KPNA5: variants seen among roughly 807,000 people sequenced by gnomAD.
KPNA5 encodes importin subunit alpha-6.
In KPNA5, 46 loss-of-function variants were observed where a neutral mutation model predicts 71.3. The ratio of observed to expected loss-of-function variants is 0.65; its 90% CI spans 0.51 to 0.83. The LOEUF is 0.83. Among genes scored for constraint, KPNA5 ranks in the 40% least tolerant of loss-of-function variants. The probability of loss-of-function intolerance (pLI) is 0.00; values close to 1 mark genes in which losing one functional copy is unlikely to be tolerated. For missense variants in KPNA5, 547 were observed against 628.3 expected (o/e 0.87, Z 1.38); for synonymous variants, 207 against 201.4 (o/e 1.03, Z -0.24).
intron 10 of KPNA5, among the ~76,000 whole-genome samples, chr6:116,725,474 T>C (rs1293115887): frequency 1.3e-5 from 2 of 152,200 alleles, no homozygotes; most frequent in African/African-American, 2.4e-5. Context: ...TTTTCAGTTT[T>C]ATCAGTTGAA....
chr6:116,681,580 T>G (rs1241993389), intron 1 of KPNA5: 64 of 1,229,476 alleles, frequency 5.2e-5, no homozygotes, highest in Non-Finnish European at 6.3e-5. Context: ...CAGCAGGTCC[T>G]CTGGAGTGAT....
At chr6:116,709,670 TATCTC>T (rs755262429) in intron 7 of KPNA5, among the ~76,000 whole-genome samples, 2 of 152,210 alleles carry the variant, frequency 1.3e-5, no homozygotes, top group African/African-American at 2.4e-5. Flanking sequence ...TCTTCTTTCT[TATCTC>T]AGAGTAAAAA....
intron 1 of KPNA5, among the ~76,000 whole-genome samples, chr6:116,686,763 T>A (rs1455846413): frequency 1.3e-5 from 2 of 152,200 alleles, no homozygotes; most frequent in Non-Finnish European, 2.9e-5. Flanking sequence ...GCTAGCCTGT[T>A]ATCCCAGCAC....
At chr6:116,714,988 A>G (rs1264463867) in intron 7 of KPNA5, among the ~76,000 whole-genome samples, 1 of 152,172 alleles carries the variant, frequency 6.6e-6, no homozygotes, top group Non-Finnish European at 1.5e-5. Flanking sequence ...AAAATGCCGC[A>G]AAGCTTTCCT....
intron 7 of KPNA5, among the ~76,000 whole-genome samples, chr6:116,713,907 A>G (rs1251819964): frequency 2.0e-5 from 3 of 152,108 alleles, no homozygotes; most frequent in Non-Finnish European, 2.9e-5. Flanking sequence ...TTCCATAGTG[A>G]TGATTCTCTA....
At position 116,741,569 on chromosome 6, in the gene KPNA5, TATC is replaced by T. The variant is rs1779872992; in HGVS notation, c.*9249_*9251del. On this transcript the variant is annotated 3_prime_UTR_variant, in exon 14 of 14. Transcript: ENST00000368564. The stretch of plus-strand genomic sequence containing the variant: ...AGCCATATTATGCCAAGAGGAAAAA[TATC>T]ATGATCATATTGAAAGATCAAGCAT... The T allele has an allele frequency of 6.5e-6, 1 of 152,782 alleles. No homozygotes were observed. The highest frequency in any genetic ancestry group is 2.4e-5 in the African/African-American group (1 of 41,428). 9.5% of individuals were successfully genotyped at this position (152,782 alleles called of 1,614,324 possible).
chr6:116,694,662 A>G (rs1337562938), intron 4 of KPNA5, among the ~76,000 whole-genome samples: 3 of 152,210 alleles, frequency 2.0e-5, no homozygotes, highest in African/African-American at 4.8e-5. Context: ...TTTTCTAGAT[A>G]TACAATCAGA....
chr6:116,710,788 A>C (rs1033144561), intron 7 of KPNA5, among the ~76,000 whole-genome samples: 1 of 148,304 alleles, frequency 6.7e-6, no homozygotes, highest in Non-Finnish European at 1.5e-5. Context: ...TTGGCTTTTG[A>C]TGATAATATT....
chr6:116,702,868 T>C (rs551380265), intron 6 of KPNA5, among the ~76,000 whole-genome samples: 8 of 152,238 alleles, frequency 5.3e-5, no homozygotes, highest in Non-Finnish European at 1.2e-4. Flanking sequence ...AAAGTTTTGT[T>C]GTAAGAGGTA....
rs911741038 is a variant in KPNA5, at chr6:116,740,323, T to A, written c.*8000T>A. 2.0e-4 allele frequency: 31 copies of A among 152,016 alleles called. No individual in the cohort carries two copies. Among genetic ancestry groups the A allele is most frequent in the African/African-American group, 7.0e-4 (29 of 41,398 alleles). The allele number at this position is 152,016 out of a possible 1,614,324, so 9.4% of individuals were successfully genotyped here. ...CATCTCACACCAGTCAGAATGGCAATCATTAAAAAGTCAGGAAACAACAGG... is the reference window on the plus strand; with the variant it reads ...CATCTCACACCAGTCAGAATGGCAAACATTAAAAAGTCAGGAAACAACAGG... On this transcript the variant is annotated 3_prime_UTR_variant, in exon 14 of 14. Coordinates refer to ENST00000368564, the MANE Select transcript of KPNA5 (RefSeq NM_001366306.2).
chr6:116,707,032 C>T lies in KPNA5; in HGVS notation c.656+1872C>T, dbSNP rs556421609. On this transcript the variant is annotated intron_variant, in intron 7 of 13. Coordinates refer to ENST00000368564, the MANE Select transcript of KPNA5 (RefSeq NM_001366306.2). ...ACAAAAAATTAGCCAGGCGTGGTGGCAGGCGCCTGTAGTCCCAGCTACTCG... is the reference window on the plus strand; with the variant it reads ...ACAAAAAATTAGCCAGGCGTGGTGGTAGGCGCCTGTAGTCCCAGCTACTCG... 6.0e-5 allele frequency among the ~76,000 whole-genome samples: 9 copies of T among 151,258 alleles called. No individual in the cohort carries two copies. In the South Asian group the frequency reaches 1.9e-3, roughly 32 times the overall value.
intron 7 of KPNA5, 136 bp downstream of exon 7, chr6:116,705,296 T>C (rs1778398400): frequency 1.7e-6 from 1 of 596,922 alleles, no homozygotes; most frequent in Non-Finnish European, 2.8e-6. Context: ...TGACAGCAGG[T>C]AGAACCAAGA....
chr6:116,723,972 G>A (rs952993569), intron 9 of KPNA5, among the ~76,000 whole-genome samples: 1 of 152,166 alleles, frequency 6.6e-6, no homozygotes, highest in East Asian at 1.9e-4. Context: ...TAGCACTTAC[G>A]ATATCCCCCA....
chr6:116,712,714 A>G (rs1204649274), intron 7 of KPNA5, among the ~76,000 whole-genome samples: 6 of 152,122 alleles, frequency 3.9e-5, no homozygotes, highest in Non-Finnish European at 5.9e-5. Context: ...ATTCTCCTGC[A>G]TTGGCCTCCC....
chr6:116,720,496 C>T (rs1042980327), intron 8 of KPNA5, among the ~76,000 whole-genome samples: 3 of 151,968 alleles, frequency 2.0e-5, no homozygotes, highest in African/African-American at 7.3e-5. Flanking sequence ...TTTTTTAACT[C>T]AGCGAAAAGG....
intron 7 of KPNA5, among the ~76,000 whole-genome samples, chr6:116,710,889 A>ATTT (rs1778640144): frequency 1.5e-5 from 1 of 68,824 alleles, no homozygotes; most frequent in Admixed American, 1.5e-4. Context: ...ATATATATAT[A>ATTT]TATATTTTTT....
At position 116,695,455 on chromosome 6, in the gene KPNA5, G is replaced by A. The variant is rs80324260; in HGVS notation, c.340+3063G>A. Among the ~76,000 whole-genome samples the A allele has an allele frequency of 6.2e-3, 945 of 152,044 alleles. 5 individuals are homozygous for A. The highest frequency in any genetic ancestry group is 0.022 in the African/African-American group (906 of 41,458). On this transcript the variant is annotated intron_variant, in intron 4 of 13. Transcript: ENST00000368564. ...TTCATATATGGAATTTATTGAACTCGTAATTCTAATTTTATGGGATTGTAT... is the reference window on the plus strand; with the variant it reads ...TTCATATATGGAATTTATTGAACTCATAATTCTAATTTTATGGGATTGTAT...
At chr6:116,700,398 C>T (rs764728369) in intron 5 of KPNA5, among the ~76,000 whole-genome samples, 2 of 152,032 alleles carry the variant, frequency 1.3e-5, no homozygotes, top group African/African-American at 4.8e-5. Flanking sequence ...TGAGCCCAGA[C>T]GTTTGAAGTT....
intron 1 of KPNA5, among the ~76,000 whole-genome samples, chr6:116,684,814 C>T (rs994096938): frequency 3.9e-5 from 6 of 152,138 alleles, no homozygotes; most frequent in Non-Finnish European, 7.4e-5. Context: ...ATGTTTAAAA[C>T]CAGAGTCACT....
Sources: allele counts gnomAD v4.1 joint callset (sites outside exome capture counted in the v4.1 genomes callset), GRCh38; gene constraint gnomAD v4.1.1; transcripts MANE v1.5; gene names NCBI Gene and HGNC (gene_info 2026-07-23, HGNC 2026-07-21).